Variants in SLC15A1 observed in about 807,000 individuals in gnomAD.
SLC15A1 encodes Caco-2 oligopeptide transporter.
A neutral mutation model predicts 92.9 loss-of-function variants in SLC15A1; 83 were observed. That is an observed-to-expected ratio of 0.89 (90% CI 0.75 to 1.07). The LOEUF is 1.07. Among genes scored for constraint, SLC15A1 ranks in the 50% least tolerant of loss-of-function variants. SLC15A1 has a pLI of 0.00. For missense variants in SLC15A1, 857 were observed against 880.1 expected (o/e 0.97, Z 0.33); for synonymous variants, 322 against 318.2 (o/e 1.01, Z -0.13).
chr13:98,698,412 G>GT (rs1164596087), intron 18 of SLC15A1, among the ~76,000 whole-genome samples: 1 of 152,096 alleles, frequency 6.6e-6, no homozygotes, highest in Non-Finnish European at 1.5e-5. Flanking sequence ...ACCACCATTT[G>GT]TATTAGTAAG....
At chr13:98,695,608 G>T (rs1197992840) in intron 18 of SLC15A1, among the ~76,000 whole-genome samples, 3 of 152,002 alleles carry the variant, frequency 2.0e-5, no homozygotes, top group Non-Finnish European at 2.9e-5. Context: ...GGCCAGGCTG[G>T]TCTCAAACTC....
intron 5 of SLC15A1, among the ~76,000 whole-genome samples, chr13:98,722,688 T>C (rs1334103624): frequency 6.6e-6 from 1 of 152,228 alleles, no homozygotes; most frequent in Non-Finnish European, 1.5e-5. Flanking sequence ...AAAATCATGC[T>C]TCCTGAACCA....
intron 9 of SLC15A1, 99 bp downstream of exon 9, chr13:98,715,779 A>G: frequency 1.0e-6 from 1 of 956,252 alleles, no homozygotes; most frequent in Non-Finnish European, 1.6e-6. Context: ...CACTAAAAAT[A>G]TATTTAAAGG....
intron 18 of SLC15A1, among the ~76,000 whole-genome samples, chr13:98,700,476 C>A (rs1375894283): frequency 2.9e-5 from 2 of 69,714 alleles, no homozygotes; most frequent in Admixed American, 2.2e-4. Flanking sequence ...TAGAGCAAGA[C>A]CCTGTCTCAA....
chr13:98,687,839 C>T (rs926849972), intron 20 of SLC15A1, 115 bp from the exon 21 acceptor site: 16 of 1,233,690 alleles, frequency 1.3e-5, no homozygotes, highest in Middle Eastern at 2.7e-4. Context: ...TTGTCAAGTA[C>T]GTACACATTT....
intron 18 of SLC15A1, 93 bp from the exon 19 acceptor site, chr13:98,688,670 A>C (rs754830549): frequency 2.4e-6 from 2 of 833,908 alleles, no homozygotes; most frequent in Non-Finnish European, 3.9e-6. Context: ...AATACTCCCT[A>C]TTTTGAAGGA....
chr13:98,693,752 A>T (rs568870845), intron 18 of SLC15A1, among the ~76,000 whole-genome samples: 1 of 152,036 alleles, frequency 6.6e-6, no homozygotes, highest in East Asian at 1.9e-4. Flanking sequence ...TTTTTTTGTC[A>T]CTTGTGGTTT....
At chr13:98,711,662 T>C (rs1393123126) in intron 11 of SLC15A1, among the ~76,000 whole-genome samples, 192 bp downstream of exon 11, 1 of 99,572 alleles carries the variant, frequency 1.0e-5, no homozygotes, top group Non-Finnish European at 2.3e-5. Flanking sequence ...TAGAATTGCT[T>C]TTGGTTTTGT....
chr13:98,734,099 G>A (rs1380997463), intron 1 of SLC15A1, among the ~76,000 whole-genome samples: 1 of 152,156 alleles, frequency 6.6e-6, no homozygotes, highest in East Asian at 1.9e-4. Context: ...CTGAGTAGCT[G>A]GGATTACAGG....
chr13:98,736,519 C>T (rs2088395407), intron 1 of SLC15A1, among the ~76,000 whole-genome samples: 1 of 152,130 alleles, frequency 6.6e-6, no homozygotes, highest in Non-Finnish European at 1.5e-5. Context: ...AGAGCTCCTG[C>T]ACAGCAAAAG....
intron 22 of SLC15A1, 129 bp downstream of exon 22, chr13:98,686,061 G>T (rs2087926440): frequency 1.5e-6 from 1 of 685,248 alleles, no homozygotes; most frequent in Non-Finnish European, 2.6e-6. Context: ...GCCCTGGCTG[G>T]TCTGGCAGTT....
chr13:98,734,629 A>G (rs2088375897), intron 1 of SLC15A1, among the ~76,000 whole-genome samples: 1 of 152,190 alleles, frequency 6.6e-6, no homozygotes, highest in African/African-American at 2.4e-5. Flanking sequence ...GATTAAATAG[A>G]CGCAATAAAA....
intron 4 of SLC15A1, 43 bp downstream of exon 4, chr13:98,726,080 A>G: frequency 6.2e-7 from 1 of 1,607,554 alleles, no homozygotes; most frequent in Non-Finnish European, 8.5e-7. Context: ...ACCTACATTT[A>G]CTTTTTCGCT....
intron 1 of SLC15A1, among the ~76,000 whole-genome samples, chr13:98,735,242 T>C (rs1456837222): frequency 6.6e-6 from 1 of 152,188 alleles, no homozygotes; most frequent in Non-Finnish European, 1.5e-5. Flanking sequence ...AAAAACCACA[T>C]GACTATCTCA....
intron 15 of SLC15A1, among the ~76,000 whole-genome samples, chr13:98,707,888 GT>G: frequency 1.3e-5 from 1 of 75,420 alleles, no homozygotes; most frequent in Non-Finnish European, 2.0e-5. Context: ...GTGAGACCCT[GT>G]TTAAAAAAAA....
chr13:98,707,891 T>TAAAAAAAAAAA (rs745924829), intron 15 of SLC15A1, among the ~76,000 whole-genome samples: 3 of 106,852 alleles, frequency 2.8e-5, no homozygotes, highest in African/African-American at 1.2e-4. Context: ...AGACCCTGTT[T>TAAAAAAAAAAA]AAAAAAAAAA....
chr13:98,702,396 C>T, intron 18 of SLC15A1, 84 bp downstream of exon 18: 1 of 932,668 alleles, frequency 1.1e-6, no homozygotes, highest in Non-Finnish European at 1.8e-6. Context: ...ATTTTATATC[C>T]TTGTTACATT....
intron 8 of SLC15A1, among the ~76,000 whole-genome samples, chr13:98,718,037 A>G (rs1188758686): frequency 6.7e-6 from 1 of 148,732 alleles, no homozygotes; most frequent in Non-Finnish European, 1.5e-5. Context: ...TTCTAGTAGA[A>G]ACATATGGGG....
chr13:98,704,169 A>G, intron 17 of SLC15A1, 120 bp downstream of exon 17: 5 of 908,014 alleles, frequency 5.5e-6, no homozygotes, highest in Non-Finnish European at 8.0e-6. Flanking sequence ...AGAAGAAGGA[A>G]GAAATTGAGG....
Sources: allele counts gnomAD v4.1 joint callset (sites outside exome capture counted in the v4.1 genomes callset), GRCh38; gene constraint gnomAD v4.1.1; transcripts MANE v1.5; gene names NCBI Gene and HGNC (gene_info 2026-07-23, HGNC 2026-07-21).